The following WDR49 variants were observed in gnomAD, a reference collection of about 807,000 sequenced individuals.
WDR49 encodes cilia- and flagella-associated protein 337.
In WDR49, 107 loss-of-function variants were observed where a neutral mutation model predicts 119.5. The observed-to-expected ratio is 0.90, with a 90% CI of 0.77 to 1.05. WDR49 has a LOEUF of 1.05. Ranked by LOEUF, WDR49 falls within the 50% of genes least tolerant of loss-of-function variation. The pLI, the probability that WDR49 is intolerant of heterozygous loss-of-function variation, is 0.00. For synonymous variants in WDR49, 425 were observed against 418.8 expected, an observed-to-expected ratio of 1.01 and a Z score of -0.18; for missense variants, 1,240 against 1,220.5, an observed-to-expected ratio of 1.02 and a Z score of -0.24.
intron 10 of WDR49, among the ~76,000 whole-genome samples, chr3:167,544,390 C>T (rs190608679): frequency 6.6e-6 from 1 of 152,126 alleles, no homozygotes; most frequent in Admixed American, 6.6e-5. Context: ...AATCTGGAAG[C>T]ATCACATTAC....
chr3:167,561,748 C>T (rs1198718171), intron 8 of WDR49, among the ~76,000 whole-genome samples: 3 of 152,066 alleles, frequency 2.0e-5, no homozygotes, highest in Admixed American at 2.0e-4. Context: ...TTTATGAAAA[C>T]TCTGTGAAAT....
intron 2 of WDR49, among the ~76,000 whole-genome samples, chr3:167,630,907 C>A (rs760922790): frequency 3.3e-5 from 5 of 152,066 alleles, no homozygotes; most frequent in Non-Finnish European, 7.4e-5. Flanking sequence ...ATGAAGCTAA[C>A]ACATGTATCT....
At chr3:167,545,847 C>G (rs1712157658) in intron 10 of WDR49, among the ~76,000 whole-genome samples, 1 of 149,356 alleles carries the variant, frequency 6.7e-6, no homozygotes, top group Admixed American at 6.7e-5. Context: ...CACCTGTACC[C>G]CCAAAACTAT....
chr3:167,612,068 T>C (rs2108314622), intron 5 of WDR49, among the ~76,000 whole-genome samples: 1 of 152,342 alleles, frequency 6.6e-6, no homozygotes, highest in Non-Finnish European at 1.5e-5. Flanking sequence ...TTCTCAAGGA[T>C]ATACCATATG....
At position 167,604,472 on chromosome 3, in the gene WDR49, A is replaced by AT. The variant is rs1363585078; in HGVS notation, c.959-5dup. On this transcript the variant is annotated splice_region_variant and splice_polypyrimidine_tract_variant and intron_variant, in intron 5 of 18. Transcript: ENST00000682715. Reference sequence around the variant, plus strand: ...TCTAAAGATGCATTGTAAGTAACTGATAAAAAATTAAAAAGAGAAAAACAA... The same window carrying AT: ...TCTAAAGATGCATTGTAAGTAACTGATTAAAAAATTAAAAAGAGAAAAACAA... 1 of 1,587,116 alleles carries AT rather than the reference A, an allele frequency of 6.3e-7. No individual in the cohort carries two copies.
intron 7 of WDR49, among the ~76,000 whole-genome samples, chr3:167,578,183 A>G (rs1322718407): frequency 6.6e-6 from 1 of 151,974 alleles, no homozygotes; most frequent in Non-Finnish European, 1.5e-5. Flanking sequence ...ACCACCTACC[A>G]TGGTGGCCTC....
chr3:167,606,910 C>T (rs75658220), intron 5 of WDR49, among the ~76,000 whole-genome samples: 13 of 152,186 alleles, frequency 8.5e-5, no homozygotes, highest in African/African-American at 2.6e-4. Context: ...GACACAGGAA[C>T]CTTCAGAATG....
intron 5 of WDR49, among the ~76,000 whole-genome samples, chr3:167,612,264 T>C (rs1397771485): frequency 2.0e-5 from 3 of 151,414 alleles, no homozygotes; most frequent in Non-Finnish European, 2.9e-5. Context: ...AAGAAGGAAA[T>C]TGAAAAATTA....
intron 5 of WDR49, among the ~76,000 whole-genome samples, chr3:167,609,478 G>T (rs909716194): frequency 2.0e-5 from 3 of 152,120 alleles, no homozygotes; most frequent in Non-Finnish European, 2.9e-5. Context: ...CTCAACTGGT[G>T]CCCGCCCACA....
chr3:167,480,821 C>T (rs1750691775), intron 18 of WDR49, among the ~76,000 whole-genome samples: 1 of 152,164 alleles, frequency 6.6e-6, no homozygotes, highest in Admixed American at 6.5e-5. Context: ...GTTACAGGCT[C>T]ACCATGAAGT....
At chr3:167,522,909 T>C (rs1752506864) in intron 15 of WDR49, among the ~76,000 whole-genome samples, 1 of 152,216 alleles carries the variant, frequency 6.6e-6, no homozygotes, top group Non-Finnish European at 1.5e-5. Flanking sequence ...AATTCAGTTA[T>C]TAAATATTGT....
intron 10 of WDR49, among the ~76,000 whole-genome samples, 173 bp from the exon 11 acceptor site, chr3:167,537,173 C>A (rs1293040471): frequency 6.6e-6 from 1 of 152,056 alleles, no homozygotes; most frequent in Admixed American, 6.6e-5. Flanking sequence ...ATTTTTATTA[C>A]CTCATTAAAT....
intron 9 of WDR49, among the ~76,000 whole-genome samples, chr3:167,558,807 T>C (rs1407365141): frequency 3.9e-5 from 6 of 152,174 alleles, no homozygotes; most frequent in Admixed American, 6.5e-5. Flanking sequence ...TAGAGGTAAA[T>C]AGAACCTAAT....
At chr3:167,518,183 G>T (rs527771904) in intron 16 of WDR49, among the ~76,000 whole-genome samples, 125 of 151,754 alleles carry the variant, frequency 8.2e-4, no homozygotes, top group East Asian at 8.1e-3. Flanking sequence ...GAATAATGCC[G>T]CAATAAACAT....
chr3:167,495,623 C>A (rs1751324373), intron 18 of WDR49, among the ~76,000 whole-genome samples: 1 of 151,020 alleles, frequency 6.6e-6, no homozygotes, highest in African/African-American at 2.4e-5. Flanking sequence ...GAGAATAAAA[C>A]ATAATTTGAA....
In WDR49 at chr3:167,521,442, T is replaced by G. The variant is rs570115862; in HGVS notation, c.2774+873A>C. On this transcript the variant is annotated intron_variant, in intron 16 of 18. Coordinates refer to ENST00000682715, the MANE Select transcript of WDR49 (RefSeq NM_001366157.1). ...TTCCCATCCTCAGTGAAAGGAAAAC[T>G]GTGACTACTGAGTTAAAGGGAAGAA... is the stretch of plus-strand genomic sequence containing the variant. Among the ~76,000 whole-genome samples, 9 of 152,284 alleles carry G rather than the reference T, an allele frequency of 5.9e-5. No individual in the cohort carries two copies. The South Asian group carries it at 1.7e-3, about 28-fold the overall frequency.
intron 8 of WDR49, among the ~76,000 whole-genome samples, chr3:167,561,290 C>T (rs973956766): frequency 6.6e-6 from 1 of 152,126 alleles, no homozygotes; most frequent in African/African-American, 2.4e-5. Flanking sequence ...ACTTCACTGG[C>T]AAAATCCTGC....
chr3:167,599,972 C>T (rs1040676801), intron 7 of WDR49, among the ~76,000 whole-genome samples: 1 of 152,034 alleles, frequency 6.6e-6, no homozygotes, highest in East Asian at 1.9e-4. Context: ...TTCCAGGACT[C>T]GGTCCTTTCC....
At chr3:167,581,659 G>A (rs758857360) in intron 7 of WDR49, among the ~76,000 whole-genome samples, 18 of 152,152 alleles carry the variant, frequency 1.2e-4, no homozygotes, top group East Asian at 1.2e-3. Context: ...AAATCAACAA[G>A]TAAATAATGA....
Sources: gnomAD v4.1 joint callset for allele counts (sites outside exome capture counted in the v4.1 genomes callset) on GRCh38, gnomAD v4.1.1 for gene constraint, MANE v1.5 for transcripts, NCBI Gene and HGNC (gene_info 2026-07-23, HGNC 2026-07-21) for gene names.